Variants in GMDS observed in about 807,000 individuals in gnomAD.
GMDS encodes the protein GDP-mannose 4,6 dehydratase.
A neutral mutation model predicts 49.9 loss-of-function variants in GMDS; 20 were observed. The observed-to-expected ratio is 0.40, with a 90% CI of 0.28 to 0.58. GMDS has a LOEUF of 0.58. Ranked by LOEUF, GMDS falls within the 20% of genes least tolerant of loss-of-function variation. The probability of loss-of-function intolerance (pLI) is 0.42; values close to 1 mark genes in which losing one functional copy is unlikely to be tolerated. For missense variants in GMDS, 362 were observed against 481.4 expected (o/e 0.75, Z 2.32); for synonymous variants, 177 against 178.6 (o/e 0.99, Z 0.07).
intron 1 of GMDS, among the ~76,000 whole-genome samples, chr6:2,184,377 C>G (rs1445608888): frequency 6.6e-6 from 1 of 152,208 alleles, no homozygotes; most frequent in Non-Finnish European, 1.5e-5. Context: ...CCTAGAAGAT[C>G]TGGCCCTTGC....
intron 9 of GMDS, among the ~76,000 whole-genome samples, chr6:1,665,595 C>T (rs533087708): frequency 6.6e-6 from 1 of 152,184 alleles, no homozygotes; most frequent in Non-Finnish European, 1.5e-5. Context: ...ATGAGATCTG[C>T]CAGGAAGGTG....
chr6:1,628,374 C>T (rs894097664), intron 9 of GMDS, among the ~76,000 whole-genome samples: 3 of 152,216 alleles, frequency 2.0e-5, no homozygotes, highest in African/African-American at 7.2e-5. Context: ...TTCATTCCTT[C>T]CCCCGATGTT....
rs553927300 is a variant in GMDS at position 1,853,319 on chromosome 6, C to T, written c.771+76784G>A. 2.7e-4 allele frequency among the ~76,000 whole-genome samples: 41 copies of T among 151,090 alleles called. 3 individuals carry two copies. In the South Asian group the frequency reaches 8.2e-3, roughly 30 times the overall value. On this transcript the variant is annotated intron_variant, in intron 7 of 10. Coordinates refer to ENST00000380815, the MANE Select transcript of GMDS (RefSeq NM_001500.4). ...GGATCACGAGGTCAGGAGATCGAGACCATCCTGGCTAAAACGGTGAAACCC... is the reference window on the plus strand; with the variant it reads ...GGATCACGAGGTCAGGAGATCGAGATCATCCTGGCTAAAACGGTGAAACCC...
intron 1 of GMDS, among the ~76,000 whole-genome samples, chr6:2,194,843 G>C (rs1393238887): frequency 6.6e-6 from 1 of 152,132 alleles, no homozygotes; most frequent in Non-Finnish European, 1.5e-5. Context: ...GCATAAAACA[G>C]GACAATTAGT....
intron 4 of GMDS, among the ~76,000 whole-genome samples, chr6:1,991,953 A>C (rs1397745042): frequency 6.6e-6 from 1 of 152,220 alleles, no homozygotes; most frequent in South Asian, 2.1e-4. Context: ...GCTCCACGGC[A>C]AGGAAGGCCA....
intron 1 of GMDS, among the ~76,000 whole-genome samples, chr6:2,183,357 T>A (rs549775139): frequency 1.3e-5 from 2 of 152,296 alleles, no homozygotes; most frequent in African/African-American, 4.8e-5. Context: ...TTGATTCCAA[T>A]CCTCATGGAT....
At chr6:1,855,325 A>C (rs1279166114) in intron 7 of GMDS, among the ~76,000 whole-genome samples, 2 of 152,224 alleles carry the variant, frequency 1.3e-5, no homozygotes, top group East Asian at 1.9e-4. Flanking sequence ...TAATCAAGCA[A>C]ATTTTGGTGA....
chr6:2,179,602 C>G (rs762076206), intron 1 of GMDS, among the ~76,000 whole-genome samples: 1 of 152,186 alleles, frequency 6.6e-6, no homozygotes, highest in Non-Finnish European at 1.5e-5. Flanking sequence ...TCACCAGACA[C>G]CAATCCTGTA....
intron 4 of GMDS, among the ~76,000 whole-genome samples, chr6:2,060,597 A>C (rs1431748584): frequency 6.6e-6 from 1 of 152,218 alleles, no homozygotes; most frequent in Non-Finnish European, 1.5e-5. Context: ...AAGAATAAAC[A>C]ACAGATAAGT....
chr6:1,758,733 G>C (rs901358094), intron 7 of GMDS, among the ~76,000 whole-genome samples: 7 of 152,178 alleles, frequency 4.6e-5, no homozygotes, highest in African/African-American at 1.7e-4. Context: ...CTTGGGCTGG[G>C]AATCAGAAAC....
At chr6:2,001,063 T>C (rs904459561) in intron 4 of GMDS, among the ~76,000 whole-genome samples, 1 of 152,186 alleles carries the variant, frequency 6.6e-6, no homozygotes, top group African/African-American at 2.4e-5. Flanking sequence ...TGTGAAGAAC[T>C]ACAGACTGTT....
At chr6:1,702,906 T>C (rs746573943) in intron 9 of GMDS, among the ~76,000 whole-genome samples, 6 of 152,138 alleles carry the variant, frequency 3.9e-5, no homozygotes, top group Non-Finnish European at 7.4e-5. Context: ...GGAGGGCCAA[T>C]ACATCATGTT....
rs4467817 is a variant in GMDS at position 2,230,428 on chromosome 6, G to A, written c.102+14893C>T. Among the ~76,000 whole-genome samples the A allele has an allele frequency of 5.3e-3, 809 of 152,230 alleles. 6 individuals carry two copies. Among genetic ancestry groups the A allele is most frequent in the African/African-American group, 0.018 (767 of 41,526 alleles). On this transcript the variant is annotated intron_variant, in intron 1 of 10. Coordinates refer to ENST00000380815, the MANE Select transcript of GMDS (RefSeq NM_001500.4). Reference sequence around the variant, plus strand: ...CATCCCTAAGCCCTCCACTAACAGCGATGTCCTATATAGAGAATCTGCTAA... The same window carrying A: ...CATCCCTAAGCCCTCCACTAACAGCAATGTCCTATATAGAGAATCTGCTAA...
intron 7 of GMDS, among the ~76,000 whole-genome samples, chr6:1,851,976 G>T (rs1300419484): frequency 1.3e-5 from 2 of 151,982 alleles, no homozygotes; most frequent in Admixed American, 1.3e-4. Context: ...CCTATCACTG[G>T]CAGGGAGAGG....
intron 7 of GMDS, among the ~76,000 whole-genome samples, chr6:1,813,392 G>A (rs1164089104): frequency 6.6e-6 from 1 of 152,170 alleles, no homozygotes; most frequent in African/African-American, 2.4e-5. Context: ...GAAACCCAGC[G>A]CTCAATGCCT....
intron 7 of GMDS, among the ~76,000 whole-genome samples, chr6:1,776,536 A>T (rs1278978313): frequency 6.6e-6 from 1 of 151,978 alleles, no homozygotes; most frequent in Admixed American, 6.6e-5. Context: ...GAAAAAAAAA[A>T]AAAAATTTAG....
chr6:1,715,802 C>T (rs1766155410), intron 9 of GMDS, among the ~76,000 whole-genome samples: 1 of 152,336 alleles, frequency 6.6e-6, no homozygotes, highest in African/African-American at 2.4e-5. Context: ...TACCACTATA[C>T]TTTTTAAATT....
intron 2 of GMDS, among the ~76,000 whole-genome samples, chr6:2,120,521 A>T (rs978831664): frequency 6.6e-6 from 1 of 152,164 alleles, no homozygotes; most frequent in African/African-American, 2.4e-5. Flanking sequence ...TCATGTCACA[A>T]TTTACCTATT....
chr6:1,984,377 T>TA (rs1394613944), intron 4 of GMDS, among the ~76,000 whole-genome samples: 8 of 152,062 alleles, frequency 5.3e-5, no homozygotes, highest in Non-Finnish European at 1.0e-4. Flanking sequence ...CCTCTGAACT[T>TA]AAAATAAAAG....
Sources: allele counts gnomAD v4.1 joint callset (sites outside exome capture counted in the v4.1 genomes callset), GRCh38; gene constraint gnomAD v4.1.1; transcripts MANE v1.5; gene names NCBI Gene and HGNC (gene_info 2026-07-23, HGNC 2026-07-21).